The following RGS10 variants were observed in gnomAD, a reference collection of about 807,000 sequenced individuals.
RGS10 encodes regulator of G-protein signalling 10.
Under a neutral mutation model 23.5 loss-of-function variants are expected in RGS10, and 11 were observed. That is an observed-to-expected ratio of 0.47 (90% CI 0.29 to 0.77). The LOEUF (loss-of-function observed/expected upper bound fraction) is 0.77, where lower values mean the gene tolerates loss of function less well. RGS10 is among the 30% of genes least tolerant of loss of function. RGS10 has a pLI of 0.08. For synonymous variants in RGS10, 77 were observed against 83.2 expected (o/e 0.92, Z 0.41); for missense variants, 180 against 226.3 (o/e 0.80, Z 1.31).
At chr10:119,503,861 T>C (rs3009909) in intron 4 of RGS10, among the ~76,000 whole-genome samples, 151,055 of 152,332 alleles carry the variant, frequency 0.99, 74,909 homozygotes, top group Middle Eastern at 1. Context: ...TCAATGTCCT[T>C]GTTTAATGTT....
rs996253964 is a variant in RGS10 at position 119,527,849 on chromosome 10, G to A, written c.50-425C>T. ...CTGTGTTGTGACTATTTACATGACT[G>A]ACTCCCACTAGTCTGAAGGCTCCTA... On this transcript the variant is annotated intron_variant, in intron 1 of 4. Coordinates refer to ENST00000369103, the MANE Select transcript of RGS10 (RefSeq NM_001005339.2). This position sits in a 1 kb window ranked among gnomAD's most constrained non-coding sequence, Gnocchi z 4.2. Among the ~76,000 whole-genome samples, 18 of 152,212 alleles carry A rather than the reference G, an allele frequency of 1.2e-4. No individual in the cohort carries two copies. The highest frequency in any genetic ancestry group is 1.8e-4 in the Non-Finnish European group (12 of 68,022).
At chr10:119,508,366 C>A (rs1053475445) in intron 4 of RGS10, among the ~76,000 whole-genome samples, 1 of 152,178 alleles carries the variant, frequency 6.6e-6, no homozygotes. Context: ...GAGCACCCCA[C>A]AACCCCAAAC....
chr10:119,500,167 ATCT>A lies in RGS10; in HGVS notation c.489_491del (p.Glu163del), dbSNP rs374955363. 1.3e-3 allele frequency: 2,073 copies of A among 1,614,026 alleles called. 30 individuals are homozygous for A. In the South Asian group the frequency reaches 0.02, roughly 16 times the overall value. ...TAGCTGCAGTTTGAGCATCAGGCAA[ATCT>A]TCTTCCTCTTCCTCGGTTCGCTTGT... On this transcript the variant is annotated inframe_deletion, in exon 5 of 5. Coordinates refer to ENST00000369103, the MANE Select transcript of RGS10 (RefSeq NM_001005339.2).
chr10:119,539,521 A>G (rs770777874), intron 1 of RGS10, among the ~76,000 whole-genome samples: 2 of 152,130 alleles, frequency 1.3e-5, no homozygotes, highest in Non-Finnish European at 2.9e-5. Context: ...GGGCAGGGTG[A>G]GTGGACAGAA....
intron 3 of RGS10, 138 bp downstream of exon 3, chr10:119,525,894 A>G (rs963761977): frequency 2.9e-5 from 14 of 482,866 alleles, no homozygotes; most frequent in African/African-American, 2.2e-4. Flanking sequence ...TATTTGATCA[A>G]CACAAGATAC....
intron 4 of RGS10, among the ~76,000 whole-genome samples, chr10:119,513,238 G>A (rs936546003): frequency 6.6e-6 from 1 of 152,036 alleles, no homozygotes; most frequent in Non-Finnish European, 1.5e-5. Flanking sequence ...CTGGAGAATT[G>A]CCTGAGCTCA....
chr10:119,527,395 T>A lies in RGS10; in HGVS notation c.79A>T (p.Ser27Cys). Residue 27 changes from serine (S) to cysteine (C), a missense_variant, in exon 2 of 5, where the codon AGC (serine) becomes TGC (cysteine). Transcript: ENST00000369103. The surrounding 1 kb of genome is among the most constrained non-coding windows in gnomAD (Gnocchi z 4.2). ...DIHDSDGSSS[S>C]SHQSLKSTAK... Reference sequence around the variant, plus strand: ...GTGCTCTTGAGGCTCTGGTGGCTGCTGCTGGAACTGCCATCGCTGTCGTGG... The same window carrying A: ...GTGCTCTTGAGGCTCTGGTGGCTGCAGCTGGAACTGCCATCGCTGTCGTGG... 6.2e-7 allele frequency: 1 copy of A among 1,614,240 alleles called. No individual in the cohort carries two copies. The highest frequency in any genetic ancestry group is 8.5e-7 in the Non-Finnish European group (1 of 1,180,032).
chr10:119,526,159 TAA>T, intron 2 of RGS10, 41 bp from the exon 3 acceptor site: 5 of 963,516 alleles, frequency 5.2e-6, no homozygotes, highest in Admixed American at 2.7e-5. Flanking sequence ...TATTCTACTT[TAA>T]AAAAAAAATA....
At chr10:119,535,271 GA>G (rs34636046) in intron 1 of RGS10, among the ~76,000 whole-genome samples, 6,083 of 122,344 alleles carry the variant, frequency 0.05, 247 homozygotes, top group East Asian at 0.16. Context: ...AATCCATGCA[GA>G]AAAAAAAAAA....
intron 1 of RGS10, chr10:119,536,532 C>A (rs1274610207): frequency 2.5e-6 from 4 of 1,600,308 alleles, no homozygotes; most frequent in African/African-American, 1.3e-5. Flanking sequence ...CCCAGAGACG[C>A]CTTGTGTGAG....
rs545213623 is a variant in RGS10 at position 119,531,820 on chromosome 10, C to T, written c.50-4396G>A. Among the ~76,000 whole-genome samples, 21 of 152,254 alleles carry T rather than the reference C, an allele frequency of 1.4e-4. No homozygotes were observed. The South Asian group carries it at 3.7e-3, about 27-fold the overall frequency. On this transcript the variant is annotated intron_variant, in intron 1 of 4. Coordinates refer to ENST00000369103, the MANE Select transcript of RGS10 (RefSeq NM_001005339.2). ...GCTCCTGGGAACATAGTTAGAAAACCGATGGGCCCTTCCATTCCATGGTCT... is the reference window on the plus strand; with the variant it reads ...GCTCCTGGGAACATAGTTAGAAAACTGATGGGCCCTTCCATTCCATGGTCT...
chr10:119,526,641 A>C (rs982132543), intron 2 of RGS10, among the ~76,000 whole-genome samples: 1 of 152,202 alleles, frequency 6.6e-6, no homozygotes, highest in African/African-American at 2.4e-5. Context: ...AACACTGCTC[A>C]CAGTGGCCTG....
intron 4 of RGS10, among the ~76,000 whole-genome samples, chr10:119,502,557 GA>G (rs1321507496): frequency 6.6e-6 from 1 of 152,056 alleles, no homozygotes; most frequent in Non-Finnish European, 1.5e-5. Context: ...TCAAAGTAGA[GA>G]AGAAAAAAGG....
Position 119,524,844 on chromosome 10 carries a change from G to A in RGS10, c.255+1188C>T, listed in dbSNP as rs1368166467. ...CTCCCTTGCCACCTCCAGAGAGGAA[G>A]GTGGTGGAGAAAAGGCCGCGCTGCG... On this transcript the variant is annotated intron_variant, in intron 3 of 4. Transcript: ENST00000369103. The surrounding 1 kb of genome is among the most constrained non-coding windows in gnomAD (Gnocchi z 5.2). Among the ~76,000 whole-genome samples the A allele has an allele frequency of 6.6e-6, 1 of 152,230 alleles. No homozygotes were observed. The highest frequency in any genetic ancestry group is 1.5e-5 in the Non-Finnish European group (1 of 68,042).
chr10:119,518,145 G>A (rs368126255), intron 3 of RGS10, among the ~76,000 whole-genome samples: 6 of 152,226 alleles, frequency 3.9e-5, no homozygotes, highest in African/African-American at 7.2e-5. Context: ...GCTACTGTCC[G>A]GGTAGGAACA....
intron 4 of RGS10, among the ~76,000 whole-genome samples, chr10:119,502,819 T>C (rs1171529354): frequency 6.6e-6 from 1 of 152,222 alleles, no homozygotes; most frequent in African/African-American, 2.4e-5. Flanking sequence ...TTTCCTCCTC[T>C]GAGAGCCCTT....
Position 119,542,621 on chromosome 10 carries a change from C to T in RGS10, c.18G>A (p.Val6=). 7.0e-7 allele frequency: 1 copy of T among 1,425,044 alleles called. No homozygotes were observed. Among genetic ancestry groups the T allele is most frequent in the Non-Finnish European group, 9.2e-7 (1 of 1,086,450 alleles). The allele number at this position is 1,425,044 out of a possible 1,614,324, so 88.3% of individuals were successfully genotyped here. ...GCGGCCGCTTCCTGCTCAGCCGGCT[C>T]ACGGCGCGGTTGAACATCGCCGCGG... MFNRA[V]SRLSRKRPPS... is the part of the protein sequence containing the mutation. The change falls in exon 1 of 5, where the codon GTG becomes GTA. Residue 6 remains valine, a synonymous_variant. Coordinates refer to ENST00000369103, the MANE Select transcript of RGS10 (RefSeq NM_001005339.2).
In RGS10 at chr10:119,527,557, G is replaced by C. The variant is rs1176697453; in HGVS notation, c.50-133C>G. 2 of 697,642 alleles carry C rather than the reference G, an allele frequency of 2.9e-6. No homozygotes were observed. Among genetic ancestry groups the C allele is most frequent in the East Asian group, 5.0e-5 (2 of 40,030 alleles). 43.2% of individuals were successfully genotyped at this position (697,642 alleles called of 1,614,324 possible). ...GACTTATGCGTCAGGCTCTGTTCTA[G>C]GTGCTTAACATGATGGACTCATTCT... On this transcript the variant is annotated intron_variant, in intron 1 of 4. Coordinates refer to ENST00000369103, the MANE Select transcript of RGS10 (RefSeq NM_001005339.2). The surrounding 1 kb of genome is among the most constrained non-coding windows in gnomAD (Gnocchi z 4.2).
chr10:119,528,195 T>C (rs1386668605), intron 1 of RGS10, among the ~76,000 whole-genome samples: 11 of 152,038 alleles, frequency 7.2e-5, no homozygotes, highest in Non-Finnish European at 1.3e-4. Flanking sequence ...CGCACCCAGC[T>C]AATTTTTGTA....
Sources: allele counts gnomAD v4.1 joint callset (sites outside exome capture counted in the v4.1 genomes callset), GRCh38; gene constraint gnomAD v4.1.1; non-coding constraint Gnocchi (gnomAD v3.1); transcripts MANE v1.5; gene names NCBI Gene and HGNC (gene_info 2026-07-23, HGNC 2026-07-21).